Variants in CHST11 observed in about 807,000 individuals in gnomAD.
CHST11 encodes the protein carbohydrate sulfotransferase 11, also known as C4S-1.
A neutral mutation model predicts 30.4 loss-of-function variants in CHST11; 9 were observed. The ratio of observed to expected loss-of-function variants is 0.30; its 90% CI spans 0.18 to 0.52. CHST11 has a LOEUF of 0.52. CHST11 is among the 20% of genes least tolerant of loss of function. CHST11 has a pLI of 0.97. For synonymous variants in CHST11, 152 were observed against 187.8 expected, an observed-to-expected ratio of 0.81 and a Z score of 1.56; for missense variants, 348 against 460.6, an observed-to-expected ratio of 0.76 and a Z score of 2.24.
intron 2 of CHST11, among the ~76,000 whole-genome samples, chr12:104,654,054 G>A (rs58016252): frequency 0.093 from 14,088 of 152,218 alleles, 790 homozygotes; most frequent in East Asian, 0.13. Flanking sequence ...CTGTATGGGT[G>A]TCAGGCTGAA....
At chr12:104,498,156 G>A (rs1031316965) in intron 1 of CHST11, among the ~76,000 whole-genome samples, 1 of 151,990 alleles carries the variant, frequency 6.6e-6, no homozygotes, top group Non-Finnish European at 1.5e-5. Flanking sequence ...CTGACCTCAA[G>A]TGATCCACCC....
At chr12:104,572,180 T>A (rs2038633738) in intron 1 of CHST11, among the ~76,000 whole-genome samples, 2 of 151,984 alleles carry the variant, frequency 1.3e-5, no homozygotes, top group Admixed American at 6.6e-5. Context: ...ATTCTCTTTT[T>A]TTGTTGTGTC....
rs202150702 is a variant in CHST11, at chr12:104,663,335, CT to C, written c.204+61352del. ...TCAGAGATTTCTTGCAATTTTTAAA[CT>C]TTTTTTTGTAGGTATGAGACAAATA... On this transcript the variant is annotated intron_variant, in intron 2 of 2. Transcript: ENST00000303694. 5.5e-4 allele frequency among the ~76,000 whole-genome samples: 83 copies of C among 152,112 alleles called. 2 individuals are homozygous for C. The East Asian group carries it at 0.015, about 28-fold the overall frequency.
intron 1 of CHST11, among the ~76,000 whole-genome samples, chr12:104,545,837 T>C (rs28649238): frequency 1.6e-5 from 2 of 123,472 alleles, no homozygotes; most frequent in African/African-American, 5.7e-5. Flanking sequence ...CTGTCTCTCT[T>C]TTTTTAAAAG....
rs1358744386 is a variant in CHST11, at chr12:104,519,069, G to GAGGT, written c.118+61541_118+61544dup. Among the ~76,000 whole-genome samples, 11 of 91,688 alleles carry GAGGT rather than the reference G, an allele frequency of 1.2e-4. No homozygotes were observed. The East Asian group carries it at 3.8e-3, about 31-fold the overall frequency. 60.2% of individuals were successfully genotyped at this position (91,688 alleles called of 152,430 possible). A position where few individuals can be genotyped will look rare whatever the true frequency, so the allele number is the denominator to read the frequency against. ...CTTTGAGGCCTAGGCCTGGACTCTT[G>GAGGT]AGGTGTGTGTGTGTGTGTGTGTGTG... On this transcript the variant is annotated intron_variant, in intron 1 of 2. Coordinates refer to ENST00000303694, the MANE Select transcript of CHST11 (RefSeq NM_018413.6).
chr12:104,583,400 G>A (rs2038767474), intron 1 of CHST11, among the ~76,000 whole-genome samples: 1 of 152,140 alleles, frequency 6.6e-6, no homozygotes, highest in African/African-American at 2.4e-5. Flanking sequence ...AAGAAGGGAA[G>A]CAGGGAGTGA....
intron 1 of CHST11, among the ~76,000 whole-genome samples, chr12:104,506,171 C>T (rs4536299): frequency 0.35 from 53,246 of 152,034 alleles, 9,609 homozygotes; most frequent in South Asian, 0.41. Flanking sequence ...GTTTTAGGGA[C>T]CATAGAGAAG....
intron 2 of CHST11, among the ~76,000 whole-genome samples, chr12:104,731,732 A>G (rs2040260265): frequency 6.6e-6 from 1 of 152,266 alleles, no homozygotes; most frequent in Non-Finnish European, 1.5e-5. Context: ...TCCAGTTTCC[A>G]GCACCAAGTA....
At chr12:104,474,884 G>A (rs1366965982) in intron 1 of CHST11, among the ~76,000 whole-genome samples, 1 of 152,196 alleles carries the variant, frequency 6.6e-6, no homozygotes, top group Non-Finnish European at 1.5e-5. Context: ...ATGGGGGAAG[G>A]TCCTTGGACG....
At chr12:104,648,674 T>TCC (rs1361848378) in intron 2 of CHST11, among the ~76,000 whole-genome samples, 1 of 151,634 alleles carries the variant, frequency 6.6e-6, no homozygotes, top group East Asian at 1.9e-4. Flanking sequence ...ATTAGCCAGG[T>TCC]GTGGTGGTGT....
At chr12:104,740,358 T>C (rs2040336814) in intron 2 of CHST11, among the ~76,000 whole-genome samples, 1 of 152,236 alleles carries the variant, frequency 6.6e-6, no homozygotes, top group South Asian at 2.1e-4. Flanking sequence ...ATAGGAATGT[T>C]ATGGCACCAC....
At chr12:104,644,508 G>A (rs914880593) in intron 2 of CHST11, among the ~76,000 whole-genome samples, 1 of 152,358 alleles carries the variant, frequency 6.6e-6, no homozygotes, top group East Asian at 1.9e-4. Context: ...GACACACCTG[G>A]GCTCCCTGCA....
intron 2 of CHST11, among the ~76,000 whole-genome samples, chr12:104,660,952 A>G (rs537857087): frequency 1.3e-5 from 2 of 152,192 alleles, no homozygotes; most frequent in South Asian, 2.1e-4. Flanking sequence ...CTCTGCTGCT[A>G]TTGAGGGCTC....
intron 1 of CHST11, among the ~76,000 whole-genome samples, chr12:104,462,167 C>CAAAAAAAAAAAAAA (rs796356338): frequency 2.4e-4 from 16 of 65,582 alleles, no homozygotes; most frequent in African/African-American, 7.8e-4. Context: ...AACACCATCT[C>CAAAAAAAAAAAAAA]AAAAAAAAAA....
chr12:104,648,573 G>A (rs1324589397), intron 2 of CHST11, among the ~76,000 whole-genome samples: 1 of 152,150 alleles, frequency 6.6e-6, no homozygotes, highest in Non-Finnish European at 1.5e-5. Context: ...ACTTTGGGAG[G>A]TTGAGGCAGG....
rs555048378 is a variant in CHST11, at chr12:104,508,643, A to C, written c.118+51114A>C. ...AAAGGAAATCTTGACCATTTTCCAT[A>C]AGCCTGGATTATCCAACCATCAGCT... On this transcript the variant is annotated intron_variant, in intron 1 of 2. Transcript: ENST00000303694. 2.6e-5 allele frequency among the ~76,000 whole-genome samples: 4 copies of C among 152,282 alleles called. No homozygotes were observed. The South Asian group carries it at 8.3e-4, about 32-fold the overall frequency.
At chr12:104,616,561 G>A (rs1388064311) in intron 2 of CHST11, among the ~76,000 whole-genome samples, 2 of 152,018 alleles carry the variant, frequency 1.3e-5, no homozygotes, top group African/African-American at 4.8e-5. Flanking sequence ...TGCCTCCCGG[G>A]TTCAAGCGAT....
intron 2 of CHST11, among the ~76,000 whole-genome samples, chr12:104,674,719 T>A (rs1392257764): frequency 2.0e-5 from 3 of 152,242 alleles, no homozygotes; most frequent in Non-Finnish European, 4.4e-5. Context: ...TAGACTTTTT[T>A]TTTTCAGCCC....
chr12:104,666,008 T>C (rs760356129), intron 2 of CHST11, among the ~76,000 whole-genome samples: 11 of 151,900 alleles, frequency 7.2e-5, no homozygotes, highest in African/African-American at 1.4e-4. Context: ...TTAATAGAGA[T>C]GGGGTTTCAC....
Sources: allele counts gnomAD v4.1 joint callset (sites outside exome capture counted in the v4.1 genomes callset), GRCh38; gene constraint gnomAD v4.1.1; transcripts MANE v1.5; gene names NCBI Gene and HGNC (gene_info 2026-07-23, HGNC 2026-07-21).